Variants in FAM117B observed in about 807,000 individuals in gnomAD.
FAM117B encodes the protein family with sequence similarity 117 member B, also known as protein FAM117B.
Under a neutral mutation model 52.8 loss-of-function variants are expected in FAM117B, and 22 were observed. That is an observed-to-expected ratio of 0.42 (90% CI 0.30 to 0.59). The LOEUF (loss-of-function observed/expected upper bound fraction) is 0.59, where lower values mean the gene tolerates loss of function less well. Ranked by LOEUF, FAM117B falls within the 20% of genes least tolerant of loss-of-function variation. The pLI is 0.22. For synonymous variants in FAM117B, 309 were observed against 324.1 expected, an observed-to-expected ratio of 0.95 and a Z score of 0.50; for missense variants, 678 against 802.6, an observed-to-expected ratio of 0.84 and a Z score of 1.88.
chr2:202,757,030 T>C (rs570589505), intron 5 of FAM117B, among the ~76,000 whole-genome samples, 183 bp from the exon 6 acceptor site: 132 of 152,110 alleles, frequency 8.7e-4, no homozygotes, highest in Non-Finnish European at 1.6e-3. Context: ...CACCGAAGAC[T>C]CTCAGTGTGG....
chr2:202,664,048 C>G (rs898845016), intron 1 of FAM117B, among the ~76,000 whole-genome samples: 1 of 152,194 alleles, frequency 6.6e-6, no homozygotes, highest in African/African-American at 2.4e-5. Context: ...TGTTGAACCA[C>G]AGTTCCTATC....
At position 202,759,284 on chromosome 2, in the gene FAM117B, A is replaced by G; in HGVS notation, c.1382A>G (p.Asn461Ser). The G allele has an allele frequency of 1.9e-6, 3 of 1,614,120 alleles. No homozygotes were observed. Among genetic ancestry groups the G allele is most frequent in the Non-Finnish European group, 2.5e-6 (3 of 1,180,034 alleles). The change falls in exon 7 of 8, where the codon AAC (asparagine) becomes AGC (serine). Residue 461 changes from asparagine to serine, a missense_variant. This residue lies in a region of FAM117B where 27 missense variants were observed against 77.3 expected (regional missense o/e 0.35). Coordinates refer to ENST00000392238, the MANE Select transcript of FAM117B (RefSeq NM_173511.4). ...LPKYATSPKP[N>S]NSYMFKREPP... ...AAATATGCAACCTCACCAAAACCTAACAACAGTTATATGTTCAAAAGGGAA... is the reference window on the plus strand; with the variant it reads ...AAATATGCAACCTCACCAAAACCTAGCAACAGTTATATGTTCAAAAGGGAA...
rs1455280228 is a variant in FAM117B at position 202,768,749 on chromosome 2, G to C, written c.*2985G>C. ...TAGAAAACTGTACAGAAGGTAAATA[G>C]AATAGCTTCAATGGGAATATAATTT... On this transcript the variant is annotated 3_prime_UTR_variant, in exon 8 of 8. Transcript: ENST00000392238. The C allele has an allele frequency of 6.6e-6, 1 of 152,356 alleles. No individual in the cohort carries two copies. Among genetic ancestry groups the C allele is most frequent in the Non-Finnish European group, 1.5e-5 (1 of 67,978 alleles). 9.4% of individuals were successfully genotyped at this position (152,356 alleles called of 1,614,324 possible).
chr2:202,648,364 T>C (rs989672328), intron 1 of FAM117B, among the ~76,000 whole-genome samples: 1 of 151,778 alleles, frequency 6.6e-6, no homozygotes, highest in African/African-American at 2.4e-5. Flanking sequence ...CAGAAAAAAA[T>C]TAGCCGAGTA....
At chr2:202,640,779 T>G (rs142284738) in intron 1 of FAM117B, among the ~76,000 whole-genome samples, 1 of 152,100 alleles carries the variant, frequency 6.6e-6, no homozygotes, top group African/African-American at 2.4e-5. Context: ...CCAGCTAATT[T>G]TCTGTATTTT....
chr2:202,695,560 C>T (rs1423480589), intron 1 of FAM117B, among the ~76,000 whole-genome samples: 1 of 152,156 alleles, frequency 6.6e-6, no homozygotes, highest in Non-Finnish European at 1.5e-5. Flanking sequence ...TTAATGGCCT[C>T]AAAGCCCAAG....
intron 1 of FAM117B, among the ~76,000 whole-genome samples, chr2:202,689,070 A>G (rs1574556532): frequency 6.6e-6 from 1 of 152,244 alleles, no homozygotes; most frequent in Admixed American, 6.5e-5. Flanking sequence ...AATTGAATGC[A>G]TAATGGGACC....
Position 202,765,494 on chromosome 2 carries a change from C to T in FAM117B, c.1500C>T (p.Asn500=). The T allele has an allele frequency of 6.2e-7, 1 of 1,613,512 alleles. No homozygotes were observed. Among genetic ancestry groups the T allele is most frequent in the Non-Finnish European group, 8.5e-7 (1 of 1,179,914 alleles). Residue 500 remains asparagine (N), a synonymous_variant, in exon 8 of 8, where the codon AAC becomes AAT. Coordinates refer to ENST00000392238, the MANE Select transcript of FAM117B (RefSeq NM_173511.4). ...CAGCCTTTTATTGTCCTGACAAAAACAAGGTGAATTTCATTCCTAAAAGTG... is the reference window on the plus strand; with the variant it reads ...CAGCCTTTTATTGTCCTGACAAAAATAAGGTGAATTTCATTCCTAAAAGTG... The part of the protein sequence containing the change: ...EIPAFYCPDK[N]KVNFIPKSGS...
intron 2 of FAM117B, among the ~76,000 whole-genome samples, chr2:202,707,600 G>A (rs1210207931): frequency 3.3e-5 from 5 of 151,794 alleles, no homozygotes; most frequent in Non-Finnish European, 5.9e-5. Context: ...CCAGCTACTC[G>A]GGAGGCTGAG....
rs993870906 is a variant in FAM117B at position 202,668,164 on chromosome 2, AATAC to A, written c.602-27709_602-27706del. On this transcript the variant is annotated intron_variant, in intron 1 of 7. Transcript: ENST00000392238. ...AAAATATATAAATATATAATTATAT[AATAC>A]ATACATATTATATTATATAATATAT... Among the ~76,000 whole-genome samples the A allele has an allele frequency of 1.5e-3, 212 of 142,030 alleles. 1 individual carries two copies. The highest frequency in any genetic ancestry group is 4.8e-3 in the African/African-American group (176 of 36,734). 93.2% of individuals were successfully genotyped at this position (142,030 alleles called of 152,430 possible).
intron 2 of FAM117B, among the ~76,000 whole-genome samples, chr2:202,715,279 C>T (rs1386098527): frequency 1.8e-4 from 27 of 151,190 alleles, no homozygotes; most frequent in Non-Finnish European, 3.2e-4. Context: ...CCCTCCGGGA[C>T]GGGGCGGCTG....
At chr2:202,666,630 T>C (rs1690207766) in intron 1 of FAM117B, among the ~76,000 whole-genome samples, 1 of 151,816 alleles carries the variant, frequency 6.6e-6, no homozygotes, top group South Asian at 2.1e-4. Context: ...TCACTTCTGG[T>C]TTTTGACTAT....
intron 1 of FAM117B, among the ~76,000 whole-genome samples, chr2:202,645,513 TCTC>T (rs1168345361): frequency 6.6e-6 from 1 of 150,978 alleles, no homozygotes; most frequent in Non-Finnish European, 1.5e-5. Context: ...ATGGTCTTGA[TCTC>T]CTGACCTCGT....
At chr2:202,696,936 G>A (rs144909069) in intron 2 of FAM117B, among the ~76,000 whole-genome samples, 132 of 152,272 alleles carry the variant, frequency 8.7e-4, no homozygotes, top group Middle Eastern at 6.8e-3. Flanking sequence ...GGGCATGCTG[G>A]TGCACACTTG....
At chr2:202,758,541 G>T (rs1691837821) in intron 6 of FAM117B, among the ~76,000 whole-genome samples, 1 of 152,212 alleles carries the variant, frequency 6.6e-6, no homozygotes, top group African/African-American at 2.4e-5. Flanking sequence ...CCAGCAAGGA[G>T]TTTGTAGCTT....
intron 1 of FAM117B, among the ~76,000 whole-genome samples, chr2:202,675,445 C>CAAAAAAAAAA (rs386392341): frequency 1.5e-5 from 1 of 67,792 alleles, no homozygotes; most frequent in African/African-American, 6.2e-5. Flanking sequence ...GACCTTATCT[C>CAAAAAAAAAA]AAAAAAAAAA....
chr2:202,636,117 T>A (rs896124920), intron 1 of FAM117B, among the ~76,000 whole-genome samples: 4 of 152,032 alleles, frequency 2.6e-5, no homozygotes, highest in African/African-American at 9.7e-5. Context: ...CCTGGAGGAG[T>A]CGTTACTGCT....
chr2:202,635,879 C>G, intron 1 of FAM117B, 91 bp downstream of exon 1: 5 of 1,241,280 alleles, frequency 4.0e-6, no homozygotes, highest in Non-Finnish European at 5.1e-6. Context: ...TGCAGAGCTG[C>G]CGCGGAGCCC....
At chr2:202,726,207 T>C (rs763752705) in intron 3 of FAM117B, 43 bp from the exon 4 acceptor site, 3 of 1,367,924 alleles carry the variant, frequency 2.2e-6, no homozygotes, top group East Asian at 2.3e-5. Context: ...TTTTGTTTCA[T>C]GTAGAAAACA....
Sources: allele counts gnomAD v4.1 joint callset (sites outside exome capture counted in the v4.1 genomes callset), GRCh38; gene constraint gnomAD v4.1.1; regional missense constraint gnomAD v4.1.1; transcripts MANE v1.5; gene names NCBI Gene and HGNC (gene_info 2026-07-23, HGNC 2026-07-21).